The following SPTAN1 variants were observed in gnomAD, a reference collection of about 807,000 sequenced individuals.
SPTAN1 encodes spectrin alpha chain, non-erythrocytic 1.
In SPTAN1, 61 loss-of-function variants were observed where a neutral mutation model predicts 331.3. That is an observed-to-expected ratio of 0.18 (90% CI 0.15 to 0.23). The LOEUF is 0.23. SPTAN1 is among the 10% of genes least tolerant of loss of function. The pLI, the probability that SPTAN1 is intolerant of heterozygous loss-of-function variation, is 1.00. For missense variants in SPTAN1, 2,043 were observed against 3,147.9 expected (o/e 0.65, Z 8.40); for synonymous variants, 1,153 against 1,173.9 (o/e 0.98, Z 0.36).
intron 35 of SPTAN1, 69 bp from the exon 36 acceptor site, chr9:128,609,048 CCTGTT>C: frequency 6.2e-7 from 1 of 1,613,798 alleles, no homozygotes; most frequent in Non-Finnish European, 8.5e-7. Context: ...AAGGCCCAGG[CCTGTT>C]CTGTCTCCCC....
intron 35 of SPTAN1, 36 bp from the exon 36 acceptor site, chr9:128,609,086 A>G (rs1460040483): frequency 6.2e-7 from 1 of 1,614,198 alleles, no homozygotes. Context: ...ACGGTAAGAT[A>G]TGCTCATGTT....
intron 40 of SPTAN1, among the ~76,000 whole-genome samples, chr9:128,613,936 C>T (rs1227727916): frequency 1.3e-5 from 2 of 150,288 alleles, no homozygotes; most frequent in Non-Finnish European, 1.5e-5. Context: ...GCCCAGGAGG[C>T]GGAGGTTGCG....
intron 43 of SPTAN1, 43 bp from the exon 44 acceptor site, chr9:128,618,828 G>T: frequency 1.2e-6 from 2 of 1,614,012 alleles, no homozygotes; most frequent in Non-Finnish European, 1.7e-6. Context: ...AATCAAAGCT[G>T]GAGGAGATTA....
intron 1 of SPTAN1, among the ~76,000 whole-genome samples, chr9:128,562,385 G>A (rs966046009): frequency 1.4e-4 from 22 of 152,128 alleles, no homozygotes; most frequent in African/African-American, 5.1e-4. Flanking sequence ...ACAGGCGTGA[G>A]CCACCGCGCC....
intron 49 of SPTAN1, chr9:128,626,916 G>A (rs929893030): frequency 2.7e-5 from 17 of 627,386 alleles, no homozygotes; most frequent in South Asian, 1.4e-4. Flanking sequence ...CCAGGCTCAG[G>A]TGATCCTCTT....
chr9:128,627,192 A>G lies in SPTAN1; in HGVS notation c.6577-194A>G. 1 of 649,464 alleles carries G rather than the reference A, an allele frequency of 1.5e-6. No individual in the cohort carries two copies. Among genetic ancestry groups the G allele is most frequent in the South Asian group, 1.6e-5 (1 of 60,768 alleles). The allele number at this position is 649,464 out of a possible 1,614,324, so 40.2% of individuals were successfully genotyped here. A position where few individuals can be genotyped will look rare whatever the true frequency, so the allele number is the denominator to read the frequency against. On this transcript the variant is annotated intron_variant, in intron 49 of 56. Transcript: ENST00000372739. The surrounding 1 kb of genome is among the most constrained non-coding windows in gnomAD (Gnocchi z 4.9). ...TCCCTCCAGGTCCGCCTCTTCCTTG[A>G]AGCCCCTGGGGGGTGGGAACAGAGA...
In SPTAN1 at chr9:128,609,242, A is replaced by G. The variant is rs755612920; in HGVS notation, c.4716A>G (p.Gln1572=). Residue 1572 remains glutamine, a synonymous_variant, in exon 36 of 57, where the codon CAA becomes CAG. Transcript: ENST00000372739. ...AGGCTTGGATCAGTGAAAAATTGCA[A>G]ACAGCGAGTGATGAGTCGTACAAGG... ...EIEAWISEKL[Q]TASDESYKDP... 9 of 1,614,214 alleles carry G rather than the reference A, an allele frequency of 5.6e-6. No homozygotes were observed. Among genetic ancestry groups the G allele is most frequent in the African/African-American group, 1.3e-5 (1 of 75,042 alleles).
intron 1 of SPTAN1, among the ~76,000 whole-genome samples, chr9:128,561,783 T>A (rs2132814003): frequency 6.6e-6 from 1 of 151,964 alleles, no homozygotes; most frequent in East Asian, 1.9e-4. Context: ...CATCCTGGCC[T>A]TTGCAACTTG....
At chr9:128,614,589 C>CA (rs1272628247) in intron 40 of SPTAN1, among the ~76,000 whole-genome samples, 62 of 104,534 alleles carry the variant, frequency 5.9e-4, no homozygotes, top group East Asian at 3.8e-3. Context: ...GACTACGTCT[C>CA]AAAAAAAAAA....
chr9:128,599,350 G>C (rs1854741353), intron 26 of SPTAN1: 2 of 306,222 alleles, frequency 6.5e-6, no homozygotes, highest in Non-Finnish European at 1.3e-5. Context: ...GTCCAGGCTG[G>C]TCTCGAACTC....
In SPTAN1 at chr9:128,608,203, A is replaced by G; in HGVS notation, c.4418A>G (p.Lys1473Arg). Residue 1473 changes from lysine (K) to arginine (R), a missense_variant, in exon 34 of 57, where the codon AAA (lysine) becomes AGA (arginine). Physicochemically the swap from Lys to Arg is conservative, Grantham distance 26. This residue lies in a region of SPTAN1 where 179 missense variants were observed against 215.7 expected (regional missense o/e 0.83). Transcript: ENST00000372739. ...GAGGCCTTCTTGAATACCGAAGACA[A>G]AGGAGACTCACTGGACAGCGTAGAG... ...AREAFLNTED[K>R]GDSLDSVEAL... 2 of 1,614,134 alleles carry G rather than the reference A, an allele frequency of 1.2e-6. No homozygotes were observed. Among genetic ancestry groups the G allele is most frequent in the Non-Finnish European group, 1.7e-6 (2 of 1,180,028 alleles).
chr9:128,578,065 G>A (rs762909288), intron 8 of SPTAN1, 45 bp from the exon 9 acceptor site: 1 of 1,613,230 alleles, frequency 6.2e-7, no homozygotes, highest in Non-Finnish European at 8.5e-7. Context: ...TTTCCACCCT[G>A]GAACCTCCGC....
chr9:128,624,086 CAAAAAAAAA>C lies in SPTAN1; in HGVS notation c.5833-224_5833-216del, dbSNP rs11444346. Among the ~76,000 whole-genome samples, 25 of 66,826 alleles carry C rather than the reference CAAAAAAAAA, an allele frequency of 3.7e-4. 1 individual carries two copies. The highest frequency in any genetic ancestry group is 8.2e-4 in the Non-Finnish European group (23 of 28,048). The allele number at this position is 66,826 out of a possible 152,430, so 43.8% of individuals were successfully genotyped here. On this transcript the variant is annotated intron_variant, in intron 45 of 56. Transcript: ENST00000372739. ...CGACGGAGTGAAATTCACTCCGTCT[CAAAAAAAAA>C]AAAAAAAAAAAAAAAAAGAATTCCT...
intron 1 of SPTAN1, among the ~76,000 whole-genome samples, chr9:128,557,660 G>A (rs10733692): frequency 0.97 from 147,706 of 152,068 alleles, 71,894 homozygotes; most frequent in East Asian, 1. Flanking sequence ...GTCTCTTGGC[G>A]TTCATCAATA....
chr9:128,572,600 C>T (rs931198310), intron 3 of SPTAN1, among the ~76,000 whole-genome samples: 13 of 152,198 alleles, frequency 8.5e-5, no homozygotes, highest in Admixed American at 6.5e-4. Flanking sequence ...TAATCTTTTA[C>T]TTTCATGCTC....
At chr9:128,582,936 T>TA in intron 14 of SPTAN1, 87 bp downstream of exon 14, 1 of 1,597,286 alleles carries the variant, frequency 6.3e-7, no homozygotes, top group Non-Finnish European at 8.5e-7. Flanking sequence ...AAGGACGAAA[T>TA]AAGGGATTCC....
At chr9:128,569,621 A>G (rs1673740855) in intron 3 of SPTAN1, among the ~76,000 whole-genome samples, 1 of 151,974 alleles carries the variant, frequency 6.6e-6, no homozygotes, top group South Asian at 2.1e-4. Flanking sequence ...CATCATGTCT[A>G]GCTGTGTGTT....
rs1343954328 is a variant in SPTAN1 at position 128,608,134 on chromosome 9, T to G, written c.4349T>G (p.Phe1450Cys). ...MLDQCLELQL[F>C]HRDCEQAENW... ...CCTGCCTCTTGCCCTCTTTAGCTGT[T>G]CCATCGGGACTGTGAGCAAGCTGAG... Residue 1450 changes from phenylalanine (F) to cysteine (C), a missense_variant, in exon 34 of 57, where the codon TTC becomes TGC. Physicochemically the swap from Phe to Cys is radical, Grantham distance 205 (BLOSUM62 -2). Around this residue, in one of 12 missense-constraint regions of SPTAN1, gnomAD observed 179 missense variants for 215.7 expected, o/e 0.83. Coordinates refer to ENST00000372739, the MANE Select transcript of SPTAN1 (RefSeq NM_001130438.3). 1 of 1,614,188 alleles carries G rather than the reference T, an allele frequency of 6.2e-7. No individual in the cohort carries two copies. Among genetic ancestry groups the G allele is most frequent in the Admixed American group, 1.7e-5 (1 of 60,022 alleles).
Position 128,608,932 on chromosome 9 carries a change from A to G in SPTAN1, c.4550A>G (p.Tyr1517Cys). The G allele has an allele frequency of 6.2e-7, 1 of 1,614,200 alleles. No homozygotes were observed. The highest frequency in any genetic ancestry group is 8.5e-7 in the Non-Finnish European group (1 of 1,180,036). The change falls in exon 35 of 57, where the codon TAT becomes TGT. Residue 1517 changes from tyrosine (Y) to cysteine (C), a missense_variant. Transcript: ENST00000372739. ...GACCAGCTCATCGCTGCCGGCCATT[A>G]TGCCAAGGGAGACATTTCTAGCCGG... ...FADQLIAAGH[Y>C]AKGDISSRRN...
Sources: allele counts gnomAD v4.1 joint callset (sites outside exome capture counted in the v4.1 genomes callset), GRCh38; gene constraint gnomAD v4.1.1; regional missense constraint gnomAD v4.1.1; non-coding constraint Gnocchi (gnomAD v3.1); transcripts MANE v1.5; gene names NCBI Gene and HGNC (gene_info 2026-07-23, HGNC 2026-07-21).